Variants in PDE3A observed in about 807,000 individuals in gnomAD.
PDE3A encodes the protein cGMP-inhibited 3',5'-cyclic phosphodiesterase 3A.
In PDE3A, 43 loss-of-function variants were observed where a neutral mutation model predicts 98.3. The ratio of observed to expected loss-of-function variants is 0.44; its 90% CI spans 0.34 to 0.56. The LOEUF (loss-of-function observed/expected upper bound fraction) is 0.56, where lower values mean the gene tolerates loss of function less well. Among genes scored for constraint, PDE3A ranks in the 20% least tolerant of loss-of-function variants. The probability of loss-of-function intolerance (pLI) is 0.01; values close to 1 mark genes in which losing one functional copy is unlikely to be tolerated. For synonymous variants in PDE3A, 663 were observed against 567.9 expected, an observed-to-expected ratio of 1.17 and a Z score of -2.38; for missense variants, 1,427 against 1,440.7, an observed-to-expected ratio of 0.99 and a Z score of 0.15.
rs139212972 is a variant in PDE3A at position 20,688,357 on chromosome 12, G to GA, written c.*8094dup. ...GTTTGTAAAAAGTAGAATCTGTACA[G>GA]AAAAAAAACTAGATCAATTGTATTT... On this transcript the variant is annotated 3_prime_UTR_variant, in exon 16 of 16. Coordinates refer to ENST00000359062, the MANE Select transcript of PDE3A (RefSeq NM_000921.5). 1.3e-5 allele frequency among the ~76,000 whole-genome samples: 2 copies of GA among 151,232 alleles called. No individual in the cohort carries two copies. Among genetic ancestry groups the GA allele is most frequent in the South Asian group, 2.1e-4 (1 of 4,814 alleles).
At chr12:20,472,797 T>C (rs181224102) in intron 1 of PDE3A, among the ~76,000 whole-genome samples, 1 of 152,172 alleles carries the variant, frequency 6.6e-6, no homozygotes, top group Non-Finnish European at 1.5e-5. Context: ...AGCAAAATGT[T>C]GGAAAAGTAA....
intron 2 of PDE3A, among the ~76,000 whole-genome samples, chr12:20,581,361 C>A (rs1943059017): frequency 6.6e-6 from 1 of 152,068 alleles, no homozygotes; most frequent in South Asian, 2.1e-4. Context: ...CATCAAGCAG[C>A]ACATGACTAA....
In PDE3A at chr12:20,369,328, T is replaced by A; in HGVS notation, c.44T>A (p.Val15Asp). 1 of 1,547,276 alleles carries A rather than the reference T, an allele frequency of 6.5e-7. No homozygotes were observed. The highest frequency in any genetic ancestry group is 8.7e-7 in the Non-Finnish European group (1 of 1,145,540). Residue 15 changes from valine to aspartate, a missense_variant, in exon 1 of 16, where the codon GTC (valine) becomes GAC (aspartate). Physicochemically the swap from Val to Asp is radical, Grantham distance 152. Transcript: ENST00000359062. ...GDAARVRDKP[V>D]HSGVSQAPTA... is the part of the protein sequence containing the mutation. ...GCTGCACGAGTCAGGGACAAGCCCGTCCACAGTGGGGTGAGTCAAGCCCCC... is the reference window on the plus strand; with the variant it reads ...GCTGCACGAGTCAGGGACAAGCCCGACCACAGTGGGGTGAGTCAAGCCCCC...
rs1047589679 is a variant in PDE3A at position 20,683,436 on chromosome 12, C to T, written c.*3165C>T. 6.6e-6 allele frequency: 1 copy of T among 152,102 alleles called. No homozygotes were observed. The highest frequency in any genetic ancestry group is 1.5e-5 in the Non-Finnish European group (1 of 68,010). The allele number at this position is 152,102 out of a possible 1,614,324, so 9.4% of individuals were successfully genotyped here. ...ATAATTGTTTAGAAAACCATAAAAT[C>T]AATGGTAGGAAAAGTTGGAACTGGT... On this transcript the variant is annotated 3_prime_UTR_variant, in exon 16 of 16. Coordinates refer to ENST00000359062, the MANE Select transcript of PDE3A (RefSeq NM_000921.5).
Position 20,646,521 on chromosome 12 carries a change from A to G in PDE3A, c.2283A>G (p.Leu761=). The G allele has an allele frequency of 6.2e-7, 1 of 1,605,050 alleles. No individual in the cohort carries two copies. Among genetic ancestry groups the G allele is most frequent in the Non-Finnish European group, 8.5e-7 (1 of 1,171,742 alleles). The change falls in exon 11 of 16, where the codon TTA becomes TTG. Residue 761 remains leucine (L), a synonymous_variant. Transcript: ENST00000359062. ...YHNRIHATDV[L]HAVWYLTTQP... ...ACAGAATCCATGCCACTGATGTTTT[A>G]CATGCTGTTTGGTATCTTACTACAC...
chr12:20,510,197 T>C (rs1370601618), intron 1 of PDE3A, among the ~76,000 whole-genome samples: 1 of 152,104 alleles, frequency 6.6e-6, no homozygotes, highest in Non-Finnish European at 1.5e-5. Context: ...TTTAATACTT[T>C]TGGAATTCAG....
In PDE3A at chr12:20,668,138, G is replaced by A. The variant is rs187727775; in HGVS notation, c.3185-11892G>A. Among the ~76,000 whole-genome samples, 15 of 152,276 alleles carry A rather than the reference G, an allele frequency of 9.9e-5. No individual in the cohort carries two copies. In the East Asian group the frequency reaches 2.7e-3, roughly 28 times the overall value. ...TCCCACCTGAATACTGCGCTTTTCC[G>A]ACGGGCTTAAAAAACGGCGCACCAT... is the stretch of plus-strand genomic sequence containing the variant. On this transcript the variant is annotated intron_variant, in intron 15 of 15. Transcript: ENST00000359062.
chr12:20,657,443 T>C (rs7300295), intron 15 of PDE3A, among the ~76,000 whole-genome samples: 3 of 152,206 alleles, frequency 2.0e-5, no homozygotes, highest in Non-Finnish European at 4.4e-5. Flanking sequence ...CACAGATAAC[T>C]TCTGTAGTTT....
intron 2 of PDE3A, among the ~76,000 whole-genome samples, chr12:20,578,508 C>CACACAT (rs144461743): frequency 3.0e-4 from 45 of 149,536 alleles, no homozygotes; most frequent in African/African-American, 1.0e-3. Context: ...CACACACACA[C>CACACAT]GTAGTACTCA....
intron 2 of PDE3A, among the ~76,000 whole-genome samples, chr12:20,598,863 G>A (rs1362766507): frequency 6.6e-6 from 1 of 152,156 alleles, no homozygotes; most frequent in African/African-American, 2.4e-5. Flanking sequence ...TTCATGCTGT[G>A]AATGGCCTTG....
chr12:20,618,575 C>CCACT (rs1944063402), intron 4 of PDE3A, among the ~76,000 whole-genome samples: 1 of 152,000 alleles, frequency 6.6e-6, no homozygotes, highest in African/African-American at 2.4e-5. Flanking sequence ...GCCCTACCAA[C>CCACT]CACTCAGAAA....
chr12:20,551,733 C>T (rs990960566), intron 1 of PDE3A: 12 of 1,613,712 alleles, frequency 7.4e-6, no homozygotes, highest in East Asian at 2.2e-5. Context: ...ATGATGCCAG[C>T]GAGGTGGTAC....
At chr12:20,648,651 T>G in intron 12 of PDE3A, 37 bp from the exon 13 acceptor site, 2 of 1,318,556 alleles carry the variant, frequency 1.5e-6, no homozygotes, top group Non-Finnish European at 2.2e-6. Context: ...GATTATTTTC[T>G]TAAAAAGTTG....
intron 1 of PDE3A, among the ~76,000 whole-genome samples, chr12:20,497,188 C>G (rs1016114393): frequency 1.3e-5 from 2 of 152,028 alleles, no homozygotes; most frequent in Non-Finnish European, 2.9e-5. Context: ...AGATTTAAAC[C>G]AAAAGCAACT....
intron 1 of PDE3A, among the ~76,000 whole-genome samples, chr12:20,399,971 G>C (rs1307499713): frequency 2.6e-5 from 4 of 152,170 alleles, no homozygotes; most frequent in Non-Finnish European, 5.9e-5. Context: ...TTAGAAGAAA[G>C]AACAAGTTAT....
In PDE3A at chr12:20,616,307, T is replaced by G; in HGVS notation, c.1347T>G (p.Gly449=). 6.2e-7 allele frequency: 1 copy of G among 1,613,968 alleles called. No individual in the cohort carries two copies. The highest frequency in any genetic ancestry group is 8.5e-7 in the Non-Finnish European group (1 of 1,179,958). ...GGACCACCACCACCTCGGCCACAGG[T>G]CTACCCACCTTGGAGCCTGCACCAG... The part of the protein sequence containing the change: ...STWTTTTSAT[G]LPTLEPAPVR... Residue 449 remains glycine (G), a synonymous_variant, in exon 4 of 16, where the codon GGT becomes GGG. Transcript: ENST00000359062.
chr12:20,632,770 A>G (rs1229108812), intron 6 of PDE3A, among the ~76,000 whole-genome samples: 2 of 151,874 alleles, frequency 1.3e-5, no homozygotes, highest in African/African-American at 4.8e-5. Flanking sequence ...TCTTTTGTTC[A>G]TTTCCTTAGG....
rs967756645 is a variant in PDE3A, at chr12:20,686,498, T to C, written c.*6227T>C. Among the ~76,000 whole-genome samples, 1 of 142,416 alleles carries C rather than the reference T, an allele frequency of 7.0e-6. No individual in the cohort carries two copies. The highest frequency in any genetic ancestry group is 2.4e-5 in the African/African-American group (1 of 40,858). 93.4% of individuals were successfully genotyped at this position (142,416 alleles called of 152,430 possible). A position where few individuals can be genotyped will look rare whatever the true frequency, so the allele number is the denominator to read the frequency against. On this transcript the variant is annotated 3_prime_UTR_variant, in exon 16 of 16. Coordinates refer to ENST00000359062, the MANE Select transcript of PDE3A (RefSeq NM_000921.5). ...TAATCTGCCCAGCATGATCAGATAG[T>C]AGGTTAGAATTTGAAATTCATTAAT...
intron 2 of PDE3A, among the ~76,000 whole-genome samples, chr12:20,576,205 A>G (rs1487427914): frequency 6.6e-6 from 1 of 152,016 alleles, no homozygotes; most frequent in African/African-American, 2.4e-5. Flanking sequence ...CATTTTTATT[A>G]TACTAATCTA....
Sources: allele counts gnomAD v4.1 joint callset (sites outside exome capture counted in the v4.1 genomes callset), GRCh38; gene constraint gnomAD v4.1.1; transcripts MANE v1.5; gene names NCBI Gene and HGNC (gene_info 2026-07-23, HGNC 2026-07-21).